Variants in MFSD12 observed in about 807,000 individuals in gnomAD.
MFSD12 encodes major facilitator superfamily domain containing 12.
In MFSD12, 67 loss-of-function variants were observed where a neutral mutation model predicts 51.2. The ratio of observed to expected loss-of-function variants is 1.31; its 90% CI spans 1.08 to 1.60. MFSD12 has a LOEUF of 1.60. Ranked by LOEUF, MFSD12 falls within the 40% of genes most tolerant of loss-of-function variation. MFSD12 has a pLI of 0.00. For missense variants in MFSD12, 921 were observed against 673.0 expected, an observed-to-expected ratio of 1.37 and a Z score of -4.08; for synonymous variants, 441 against 316.7, an observed-to-expected ratio of 1.39 and a Z score of -4.17.
At chr19:3,548,328 A>G in intron 2 of MFSD12, 61 bp from the exon 3 acceptor site, 1 of 1,532,496 alleles carries the variant, frequency 6.5e-7, no homozygotes, top group Non-Finnish European at 8.7e-7. Flanking sequence ...CTTCCTCCCC[A>G]CGTGGCTACG....
chr19:3,542,097 A>G, downstream of MFSD12: 1 of 984,784 alleles, frequency 1.0e-6, no homozygotes, highest in Non-Finnish European at 1.2e-6. Flanking sequence ...GGCATGAGCC[A>G]CTGCGCCCAG....
intron 2 of MFSD12, 141 bp downstream of exon 2, chr19:3,550,843 A>T: frequency 1.4e-6 from 1 of 692,388 alleles, no homozygotes; most frequent in Non-Finnish European, 2.4e-6. Flanking sequence ...ACAGAGTGAG[A>T]CCCCCTTTCA....
intron 1 of MFSD12, among the ~76,000 whole-genome samples, chr19:3,553,001 TC>T (rs2145216653): frequency 6.6e-6 from 1 of 152,078 alleles, no homozygotes; most frequent in South Asian, 2.1e-4. Context: ...CCTTCCTCCC[TC>T]CGGAGGTGAC....
intron 2 of MFSD12, among the ~76,000 whole-genome samples, chr19:3,549,572 A>C (rs1021123303): frequency 6.6e-6 from 1 of 151,174 alleles, no homozygotes. Context: ...AAAATACAAA[A>C]ATTAGCCGGG....
rs751962915 is a variant in MFSD12, at chr19:3,547,525, G to A, written c.860C>T (p.Thr287Ile). 1 of 1,612,338 alleles carries A rather than the reference G, an allele frequency of 6.2e-7. No individual in the cohort carries two copies. Among genetic ancestry groups the A allele is most frequent in the South Asian group, 1.1e-5 (1 of 90,920 alleles). Reference sequence around the variant, plus strand: ...CTGGGACAGGTTCACGATGAGCCTGGTGGTCATGTACAGTATGCCCACCTG... The same window carrying A: ...CTGGGACAGGTTCACGATGAGCCTGATGGTCATGTACAGTATGCCCACCTG... Reference protein sequence around the residue: ...FYQVGILYMTTRLIVNLSQTY... With the variant: ...FYQVGILYMTIRLIVNLSQTY... The change falls in exon 5 of 10, where the codon ACC becomes ATC. Residue 287 changes from threonine (T) to isoleucine (I), a missense_variant. Thr to Ile is a moderately conservative substitution (Grantham distance 89). Transcript: ENST00000355415.
rs748478875 is a variant in MFSD12, at chr19:3,544,848, GAC to G, written c.1379_1380del (p.Cys460SerfsTer3). 1 of 1,612,416 alleles carries G rather than the reference GAC, an allele frequency of 6.2e-7. No homozygotes were observed. Among genetic ancestry groups the G allele is most frequent in the Non-Finnish European group, 8.5e-7 (1 of 1,179,726 alleles). The part of the protein sequence containing the change: ...TGGVGVAAAL[C>X]LCSLLLWPTR... ...GTCGGCCACAGCAGGAGGCTACAGA[GAC>G]ACAGGGCAGCGGCCACGCCCACGCC... On this transcript the variant is annotated frameshift_variant, in exon 9 of 10. Transcript: ENST00000355415. LOFTEE classifies it high-confidence loss of function.
chr19:3,544,021 C>G (rs1024319168), downstream of MFSD12: 33 of 1,525,682 alleles, frequency 2.2e-5, no homozygotes, highest in East Asian at 4.9e-5. Context: ...AGGCATGCTA[C>G]CAGGATGCAC....
chr19:3,540,923 CAT>C (rs2030345926), downstream of MFSD12, among the ~76,000 whole-genome samples: 5 of 146,800 alleles, frequency 3.4e-5, no homozygotes, highest in South Asian at 2.1e-4. Flanking sequence ...GTAATCCCCA[CAT>C]TTTGGGAGGC....
At chr19:3,541,616 C>T (rs568115774), downstream of MFSD12, 229 of 984,136 alleles carry the variant, frequency 2.3e-4, 1 homozygote, top group South Asian at 9.4e-3. Context: ...CCACCGCACC[C>T]AGTGCAAGAC....
chr19:3,549,552 A>G (rs1007942479), intron 2 of MFSD12, among the ~76,000 whole-genome samples: 38 of 151,344 alleles, frequency 2.5e-4, no homozygotes, highest in African/African-American at 8.3e-4. Flanking sequence ...GTGAAATCCC[A>G]TCTCTACTAA....
chr19:3,540,485 T>C (rs930244091), downstream of MFSD12, among the ~76,000 whole-genome samples: 2 of 150,650 alleles, frequency 1.3e-5, no homozygotes, highest in African/African-American at 4.9e-5. Context: ...CTCGATCTCC[T>C]GACCTCATGA....
intron 2 of MFSD12, 152 bp downstream of exon 2, chr19:3,550,832 A>G: frequency 1.5e-6 from 1 of 668,140 alleles, no homozygotes; most frequent in African/African-American, 1.8e-5. Context: ...CAGCCTGGGC[A>G]ACAGAGTGAG....
chr19:3,545,079 CTCCT>C (rs2030873327), intron 8 of MFSD12, 140 bp from the exon 9 acceptor site: 2 of 1,142,702 alleles, frequency 1.8e-6, no homozygotes, highest in Admixed American at 5.3e-5. Flanking sequence ...CACTCCCTCC[CTCCT>C]GTCCCACACC....
Position 3,544,421 on chromosome 19 carries a change from G to A in MFSD12, c.*289C>T. On this transcript the variant is annotated 3_prime_UTR_variant, in exon 10 of 10. Coordinates refer to ENST00000355415, the MANE Select transcript of MFSD12 (RefSeq NM_174983.5). ...GTTAGGGTTCCCCCAGACCCTTCTG[G>A]GATTCCTACTTCCTGTTCCCTGCCG... The A allele has an allele frequency of 9.0e-6, 12 of 1,327,160 alleles. No homozygotes were observed. The highest frequency in any genetic ancestry group is 1.2e-5 in the Non-Finnish European group (12 of 1,040,466). 82.2% of individuals were successfully genotyped at this position (1,327,160 alleles called of 1,614,324 possible).
exon 5 of MFSD12, chr19:3,538,486 G>A: frequency 6.0e-6 from 2 of 330,746 alleles, no homozygotes; most frequent in Middle Eastern, 1.1e-3. Flanking sequence ...TCCTCTCCCT[G>A]ATTCTGTGGA....
At chr19:3,552,380 C>T (rs1357523368) in intron 1 of MFSD12, among the ~76,000 whole-genome samples, 2 of 151,148 alleles carry the variant, frequency 1.3e-5, no homozygotes, top group African/African-American at 4.9e-5. Context: ...GTTGGCCAGG[C>T]TGGTCTCCAA....
Position 3,544,801 on chromosome 19 carries a change from G to A in MFSD12, c.1420+8C>T. ...TGTCTGGGGAGGGAGGGGTGGGCCA[G>A]GACTCACAGCGTCGCAGGCGGGTCG... is the stretch of plus-strand genomic sequence containing the variant. On this transcript the variant is annotated splice_region_variant and intron_variant, in intron 9 of 9. Coordinates refer to ENST00000355415, the MANE Select transcript of MFSD12 (RefSeq NM_174983.5). The A allele has an allele frequency of 1.3e-5, 21 of 1,611,782 alleles. No individual in the cohort carries two copies. The highest frequency in any genetic ancestry group is 1.8e-5 in the Non-Finnish European group (21 of 1,178,978).
downstream of MFSD12, chr19:3,541,831 C>CAG: frequency 1.0e-6 from 1 of 977,244 alleles, no homozygotes; most frequent in Non-Finnish European, 1.2e-6. Flanking sequence ...TGTGTTGAGA[C>CAG]AGAGTCTCGC....
chr19:3,544,001 T>A, downstream of MFSD12: 1 of 1,538,436 alleles, frequency 6.5e-7, no homozygotes, highest in Admixed American at 2.0e-5. Context: ...TCACACCCAC[T>A]CCCCGATAAA....
Sources: allele counts gnomAD v4.1 joint callset (sites outside exome capture counted in the v4.1 genomes callset), GRCh38; gene constraint gnomAD v4.1.1; transcripts MANE v1.5; gene names NCBI Gene and HGNC (gene_info 2026-07-23, HGNC 2026-07-21).